GSS: variants seen among roughly 807,000 people sequenced by gnomAD.
The protein encoded by GSS is GSH synthetase.
In GSS, 34 loss-of-function variants were observed where a neutral mutation model predicts 60.4. That is an observed-to-expected ratio of 0.56 (90% CI 0.43 to 0.75). GSS has a LOEUF of 0.75. Among genes scored for constraint, GSS ranks in the 30% least tolerant of loss-of-function variants. GSS has a pLI of 0.00. For missense variants in GSS, 499 were observed against 595.1 expected (o/e 0.84, Z 1.68); for synonymous variants, 224 against 239.0 (o/e 0.94, Z 0.58).
In GSS at chr20:34,931,232, T is replaced by A; in HGVS notation, c.1111+104A>T. 4.3e-6 allele frequency: 4 copies of A among 919,778 alleles called. No homozygotes were observed. In the South Asian group the frequency reaches 5.4e-5, roughly 12 times the overall value. The allele number at this position is 919,778 out of a possible 1,614,324, so 57.0% of individuals were successfully genotyped here. A position where few individuals can be genotyped will look rare whatever the true frequency, so the allele number is the denominator to read the frequency against. On this transcript the variant is annotated intron_variant, in intron 11 of 12. Coordinates refer to ENST00000651619, the MANE Select transcript of GSS (RefSeq NM_000178.4). ...TGTGGCCTGTGTCAGTTCCAATAGT[T>A]TCCCCCATGCCCGGGACTGTGCCCA...
intron 6 of GSS, among the ~76,000 whole-genome samples, chr20:34,939,471 A>T (rs541886767): frequency 6.6e-6 from 1 of 152,306 alleles, no homozygotes; most frequent in East Asian, 1.9e-4. Flanking sequence ...TTCAGTCAAT[A>T]CTGTGGAACC....
intron 6 of GSS, 45 bp downstream of exon 6, chr20:34,941,668 C>A (rs1487342474): frequency 9.5e-7 from 1 of 1,054,188 alleles, no homozygotes; most frequent in East Asian, 2.4e-5. Context: ...CCCATGAATG[C>A]TGAAACTAAA....
chr20:34,935,849 A>C (rs2081437142), intron 8 of GSS, among the ~76,000 whole-genome samples: 1 of 152,238 alleles, frequency 6.6e-6, no homozygotes, highest in African/African-American at 2.4e-5. Context: ...TGTGCCATAC[A>C]GAATACTTTA....
chr20:34,941,822 G>A lies in GSS; in HGVS notation c.499C>T (p.Leu167Phe). 6.3e-7 allele frequency: 1 copy of A among 1,582,282 alleles called. No homozygotes were observed. Among genetic ancestry groups the A allele is most frequent in the Non-Finnish European group, 8.7e-7 (1 of 1,152,636 alleles). The change falls in exon 6 of 13, where the codon CTC (leucine) becomes TTC (phenylalanine). Residue 167 changes from leucine (L) to phenylalanine (F), a missense_variant. Transcript: ENST00000651619. ...TCTTTGGTCTTACTCAGGACACTGA[G>A]AACATGTCTGTTGGAAGAGAGATGG... ...SRTPAVHRHV[L>F]SVLSKTKEAG...
intron 9 of GSS, among the ~76,000 whole-genome samples, chr20:34,933,205 A>G (rs911261926): frequency 6.6e-6 from 1 of 152,222 alleles, no homozygotes; most frequent in Admixed American, 6.5e-5. Flanking sequence ...TCCATAGCAC[A>G]GGGCTCTTAT....
At position 34,951,804 on chromosome 20, in the gene GSS, C is replaced by G. The variant is rs780432814; in HGVS notation, c.49G>C (p.Glu17Gln). 1 of 1,614,226 alleles carries G rather than the reference C, an allele frequency of 6.2e-7. No homozygotes were observed. Among genetic ancestry groups the G allele is most frequent in the South Asian group, 1.1e-5 (1 of 91,066 alleles). The part of the protein sequence containing the change: ...SLLQDKQQLE[E>Q]LARQAVDRAL... ...CGGTCCACGGCCTGCCGTGCCAGCTCCTCTAGCTGCTGTTTATCCTGCAAG... is the reference window on the plus strand; with the variant it reads ...CGGTCCACGGCCTGCCGTGCCAGCTGCTCTAGCTGCTGTTTATCCTGCAAG... The change falls in exon 2 of 13, where the codon GAG becomes CAG. Residue 17 changes from glutamate (E) to glutamine (Q), a missense_variant. Physicochemically the swap from Glu to Gln is conservative, Grantham distance 29. Transcript: ENST00000651619.
chr20:34,931,662 C>T (rs2081402625), intron 10 of GSS: 1 of 624,740 alleles, frequency 1.6e-6, no homozygotes, highest in South Asian at 1.9e-5. Context: ...GCCTGATACA[C>T]TTCTCAATTC....
At position 34,936,981 on chromosome 20, in the gene GSS, T is replaced by C. The variant is rs762661447; in HGVS notation, c.651A>G (p.Ile217Met). 11 of 1,613,958 alleles carry C rather than the reference T, an allele frequency of 6.8e-6. No individual in the cohort carries two copies. The highest frequency in any genetic ancestry group is 1.1e-5 in the South Asian group (1 of 91,080). ...CATTCTCTATGGCACGCTGGTCAAA[T>C]ATGTTTCTTTCCTTCTCTTGAGCAA... The part of the protein sequence containing the change: ...LLIAQEKERN[I>M]FDQRAIENEL... Residue 217 changes from isoleucine (I) to methionine (M), a missense_variant, in exon 7 of 13, where the codon ATA becomes ATG. Ile to Met is a conservative substitution (Grantham distance 10). Transcript: ENST00000651619.
intron 2 of GSS, among the ~76,000 whole-genome samples, chr20:34,947,260 G>T (rs2081530103): frequency 1.3e-5 from 2 of 151,958 alleles, no homozygotes; most frequent in Non-Finnish European, 2.9e-5. Context: ...GGTAATTTTT[G>T]TATTTTTAGT....
Position 34,932,018 on chromosome 20 carries a change from A to C in GSS, c.950T>G (p.Leu317Arg). 1 of 1,614,194 alleles carries C rather than the reference A, an allele frequency of 6.2e-7. No individual in the cohort carries two copies. The highest frequency in any genetic ancestry group is 8.5e-7 in the Non-Finnish European group (1 of 1,179,992). ...AGGCTGGCCAGGGAGCAACATCTCC[A>C]GCATGCCCGGCCTGCTTAGCTCCTG... is the stretch of plus-strand genomic sequence containing the variant. ...VQQELSRPGM[L>R]EMLLPGQPEA... The change falls in exon 10 of 13, where the codon CTG becomes CGG. Residue 317 changes from leucine (L) to arginine (R), a missense_variant. Coordinates refer to ENST00000651619, the MANE Select transcript of GSS (RefSeq NM_000178.4).
intron 6 of GSS, 58 bp from the exon 7 acceptor site, chr20:34,937,081 C>T (rs1463572196): frequency 1.6e-6 from 2 of 1,261,546 alleles, no homozygotes; most frequent in Non-Finnish European, 2.3e-6. Flanking sequence ...TCTTTTGTTT[C>T]TCCCCTCAAC....
rs753693862 is a variant in GSS at position 34,936,766 on chromosome 20, A to AACAG, written c.760_763dup (p.Phe255SerfsTer52). The AACAG allele has an allele frequency of 6.2e-7, 1 of 1,610,942 alleles. No homozygotes were observed. ...CTGGATTCTTGGGAATGCTTACACAAACAGCCTTCGGTCTTGGTCCAGAGA... is the reference window on the plus strand; with the variant it reads ...CTGGATTCTTGGGAATGCTTACACAAACAGACAGCCTTCGGTCTTGGTCCAGAGA... On this transcript the variant is annotated frameshift_variant, in exon 8 of 13. Transcript: ENST00000651619. LOFTEE classifies it high-confidence loss of function.
chr20:34,931,957 G>A lies in GSS; in HGVS notation c.1011C>T (p.Gly337=). 6.2e-7 allele frequency: 1 copy of A among 1,614,070 alleles called. No homozygotes were observed. Among genetic ancestry groups the A allele is most frequent in the East Asian group, 2.2e-5 (1 of 44,874 alleles). ...AVARLRATFA[G]LYSLDVGEEG... ...CACGTACCACATCCAGTGAGTAGAGGCCAGCAAAGGTGGCGCGGAGGCGGG... is the reference window on the plus strand; with the variant it reads ...CACGTACCACATCCAGTGAGTAGAGACCAGCAAAGGTGGCGCGGAGGCGGG... The change falls in exon 10 of 13, where the codon GGC becomes GGT. Residue 337 remains glycine, a synonymous_variant. Transcript: ENST00000651619.
At chr20:34,935,271 G>A (rs1311719894) in intron 9 of GSS, among the ~76,000 whole-genome samples, 2 of 152,220 alleles carry the variant, frequency 1.3e-5, no homozygotes, top group African/African-American at 4.8e-5. Context: ...TCAGCAGTAT[G>A]CTGGAACTGG....
intron 6 of GSS, among the ~76,000 whole-genome samples, chr20:34,941,327 C>T (rs2081480798): frequency 6.6e-6 from 1 of 150,626 alleles, no homozygotes; most frequent in African/African-American, 2.4e-5. Flanking sequence ...TGCACTCCAG[C>T]CTGGGTGAGA....
chr20:34,944,358 A>G (rs2081505515), intron 3 of GSS, among the ~76,000 whole-genome samples: 1 of 152,190 alleles, frequency 6.6e-6, no homozygotes, highest in Admixed American at 6.5e-5. Flanking sequence ...GTTTCCCACA[A>G]TCCAGGATTG....
At chr20:34,937,473 C>T (rs1029018818) in intron 6 of GSS, among the ~76,000 whole-genome samples, 1 of 152,126 alleles carries the variant, frequency 6.6e-6, no homozygotes, top group Non-Finnish European at 1.5e-5. Context: ...GGGCTAATGG[C>T]TCTATTACTA....
intron 8 of GSS, 125 bp from the exon 9 acceptor site, chr20:34,935,767 T>C: frequency 1.4e-6 from 1 of 721,746 alleles, no homozygotes; most frequent in Admixed American, 2.0e-5. Context: ...AGTGGGAGCC[T>C]GGTCAGGGGT....
intron 3 of GSS, among the ~76,000 whole-genome samples, chr20:34,945,383 G>GA (rs11453665): frequency 0.5 from 70,238 of 141,304 alleles, 17,746 homozygotes; most frequent in African/African-American, 0.64. Context: ...AGAATCTGAA[G>GA]AAAAAAAAAA....
Sources: allele counts gnomAD v4.1 joint callset (sites outside exome capture counted in the v4.1 genomes callset), GRCh38; gene constraint gnomAD v4.1.1; transcripts MANE v1.5; gene names NCBI Gene and HGNC (gene_info 2026-07-23, HGNC 2026-07-21).